Variants in RNF180 observed in about 807,000 individuals in gnomAD.
RNF180 encodes the protein ring finger protein 180, also known as E3 ubiquitin-protein ligase RNF180.
In RNF180, 38 loss-of-function variants were observed where a neutral mutation model predicts 59.2. The ratio of observed to expected loss-of-function variants is 0.64; its 90% confidence interval spans 0.50 to 0.84. The LOEUF is 0.84. Ranked by LOEUF, RNF180 falls within the 40% of genes least tolerant of loss-of-function variation. RNF180 has a pLI of 0.00. For synonymous variants in RNF180, 262 were observed against 240.3 expected (o/e 1.09, Z -0.84); for missense variants, 705 against 700.9 (o/e 1.01, Z -0.07).
In RNF180 at chr5:64,214,153, A is replaced by G; in HGVS notation, c.827A>G (p.Asn276Ser). The G allele has an allele frequency of 3.1e-6, 5 of 1,614,186 alleles. No homozygotes were observed. Among genetic ancestry groups the G allele is most frequent in the Non-Finnish European group, 4.2e-6 (5 of 1,180,022 alleles). The change falls in exon 4 of 8, where the codon AAT (asparagine) becomes AGT (serine). Residue 276 changes from asparagine (N) to serine (S), a missense_variant. Transcript: ENST00000389100. ...GGCTTGCCTTTACAATCTAGTAAAA[A>G]TAGCTATTCCTTTCAGAATCCATCC... Reference protein sequence around the residue: ...LSGLPLQSSKNSYSFQNPSSF... With the variant: ...LSGLPLQSSKSSYSFQNPSSF...
chr5:64,201,181 ACCT>A (rs1342730810), intron 2 of RNF180, among the ~76,000 whole-genome samples: 1 of 152,232 alleles, frequency 6.6e-6, no homozygotes, highest in Admixed American at 6.5e-5. Flanking sequence ...TGTTAATATG[ACCT>A]TAATGTTTTA....
chr5:64,369,633 C>G lies in RNF180; in HGVS notation c.1598C>G (p.Ala533Gly). ...CTTCTAGGTTTCCGCAGACATGCAG[C>G]TCCAGTTACAAGAAGGCAGTTCCCA... ...HLFGGFRRHAAPVTRRQFPHG... is the reference protein window; with the variant it reads ...HLFGGFRRHAGPVTRRQFPHG... Residue 533 changes from alanine (A) to glycine (G), a missense_variant, in exon 8 of 8, where the codon GCT (alanine) becomes GGT (glycine). Physicochemically the swap from Ala to Gly is moderately conservative, Grantham distance 60. Transcript: ENST00000389100. The G allele has an allele frequency of 6.6e-7, 1 of 1,521,042 alleles. No individual in the cohort carries two copies. Among genetic ancestry groups the G allele is most frequent in the Non-Finnish European group, 8.8e-7 (1 of 1,136,746 alleles). 94.2% of individuals were successfully genotyped at this position (1,521,042 alleles called of 1,614,324 possible).
rs556586995 is a variant in RNF180 at position 64,241,225 on chromosome 5, C to T, written c.1227+23829C>T. 2.6e-5 allele frequency among the ~76,000 whole-genome samples: 4 copies of T among 152,266 alleles called. No individual in the cohort carries two copies. The South Asian group carries it at 8.3e-4, about 32-fold the overall frequency. On this transcript the variant is annotated intron_variant, in intron 5 of 7. Coordinates refer to ENST00000389100, the MANE Select transcript of RNF180 (RefSeq NM_001113561.2). Reference sequence around the variant, plus strand: ...TTGCCTGCCTTTACTGTAGAAGACCCCTTCCCAAAAAACAAAGACACAAAT... The same window carrying T: ...TTGCCTGCCTTTACTGTAGAAGACCTCTTCCCAAAAAACAAAGACACAAAT...
At chr5:64,166,630 C>T (rs1272148398) in intron 1 of RNF180, among the ~76,000 whole-genome samples, 1 of 152,096 alleles carries the variant, frequency 6.6e-6, no homozygotes, top group African/African-American at 2.4e-5. Flanking sequence ...AGATAGTGCT[C>T]ATTATTTTCG....
At chr5:64,252,941 C>T (rs756185667) in intron 5 of RNF180, among the ~76,000 whole-genome samples, 2 of 151,982 alleles carry the variant, frequency 1.3e-5, no homozygotes, top group Non-Finnish European at 2.9e-5. Context: ...AGCACACACA[C>T]ACCTCAAATG....
In RNF180 at chr5:64,369,804, T is replaced by C; in HGVS notation, c.1769T>C (p.Phe590Ser). The change falls in exon 8 of 8, where the codon TTT becomes TCT. Residue 590 changes from phenylalanine to serine, a missense_variant. By Grantham distance (155) the Phe-to-Ser change is radical (BLOSUM62 -2). Transcript: ENST00000389100. ...IVFCFLCYFF[F>S]PF ...TTCTGCTTTCTTTGCTATTTTTTCT[T>C]TCCGTTTTAGGAATTTCATACCTTA... is the stretch of plus-strand genomic sequence containing the variant. 2.7e-6 allele frequency: 4 copies of C among 1,505,074 alleles called. No individual in the cohort carries two copies. The highest frequency in any genetic ancestry group is 3.6e-6 in the Non-Finnish European group (4 of 1,126,338). The allele number at this position is 1,505,074 out of a possible 1,614,324, so 93.2% of individuals were successfully genotyped here. A position where few individuals can be genotyped will look rare whatever the true frequency, so the allele number is the denominator to read the frequency against.
In RNF180 at chr5:64,299,116, G is replaced by A. The variant is rs544503604; in HGVS notation, c.1228-26070G>A. On this transcript the variant is annotated intron_variant, in intron 5 of 7. Coordinates refer to ENST00000389100, the MANE Select transcript of RNF180 (RefSeq NM_001113561.2). ...AGCTCCCTTGTCCTTTGCGCCATGC[G>A]AGGACACAGCAAAAAGATAGTTTTC... Among the ~76,000 whole-genome samples the A allele has an allele frequency of 8.6e-5, 13 of 152,000 alleles. No individual in the cohort carries two copies. In the East Asian group the frequency reaches 2.5e-3, roughly 29 times the overall value.
intron 5 of RNF180, among the ~76,000 whole-genome samples, chr5:64,269,693 A>AT (rs1744897208): frequency 6.6e-6 from 1 of 152,180 alleles, no homozygotes; most frequent in East Asian, 1.9e-4. Flanking sequence ...AATTGTGATT[A>AT]TGACCACATT....
rs574257377 is a variant in RNF180 at position 64,166,980 on chromosome 5, T to C, written c.-1+1027T>C. Among the ~76,000 whole-genome samples, 242 of 152,336 alleles carry C rather than the reference T, an allele frequency of 1.6e-3. 2 individuals are homozygous for C. The highest frequency in any genetic ancestry group is 2.9e-3 in the Non-Finnish European group (199 of 68,026). Reference sequence around the variant, plus strand: ...GTCAATTCCTTTCAGACTCCTGTTATAGTACCCCTAAAAGTGATACTTGAA... The same window carrying C: ...GTCAATTCCTTTCAGACTCCTGTTACAGTACCCCTAAAAGTGATACTTGAA... On this transcript the variant is annotated intron_variant, in intron 1 of 7. Transcript: ENST00000389100.
intron 1 of RNF180, among the ~76,000 whole-genome samples, chr5:64,189,004 G>A (rs1751005626): frequency 6.6e-6 from 1 of 152,020 alleles, no homozygotes; most frequent in Admixed American, 6.6e-5. Context: ...GTAAGAAGAG[G>A]AAGAGACATC....
At chr5:64,258,145 A>T (rs572147114) in intron 5 of RNF180, among the ~76,000 whole-genome samples, 8 of 152,302 alleles carry the variant, frequency 5.3e-5, no homozygotes, top group African/African-American at 1.9e-4. Flanking sequence ...AGGAGAGTGT[A>T]TGGCCTTCCA....
At chr5:64,306,750 C>G (rs1743485257) in intron 5 of RNF180, among the ~76,000 whole-genome samples, 1 of 151,102 alleles carries the variant, frequency 6.6e-6, no homozygotes. Context: ...CACATATTCT[C>G]ACTCATAGGT....
At chr5:64,343,259 A>T (rs1159418258) in intron 7 of RNF180, among the ~76,000 whole-genome samples, 2 of 151,188 alleles carry the variant, frequency 1.3e-5, no homozygotes, top group Non-Finnish European at 2.9e-5. Flanking sequence ...ATAAAAAGGT[A>T]AAAAACTGCC....
At chr5:64,364,025 C>G (rs1019098467) in intron 7 of RNF180, among the ~76,000 whole-genome samples, 1 of 151,808 alleles carries the variant, frequency 6.6e-6, no homozygotes, top group African/African-American at 2.4e-5. Flanking sequence ...ATCATGTTGT[C>G]TGCAAACAGG....
chr5:64,330,305 T>C lies in RNF180; in HGVS notation c.1478T>C (p.Phe493Ser). The change falls in exon 7 of 8, where the codon TTC (phenylalanine) becomes TCC (serine). Residue 493 changes from phenylalanine to serine, a missense_variant. By Grantham distance (155) the Phe-to-Ser change is radical. Coordinates refer to ENST00000389100, the MANE Select transcript of RNF180 (RefSeq NM_001113561.2). ...QTELNNATKT[F>S]FTKEYLKIKQ... Reference sequence around the variant, plus strand: ...GAATTGAACAATGCCACAAAAACTTTCTTTACTAAAGAATATTTGAAAATA... The same window carrying C: ...GAATTGAACAATGCCACAAAAACTTCCTTTACTAAAGAATATTTGAAAATA... 6.6e-7 allele frequency: 1 copy of C among 1,510,932 alleles called. No individual in the cohort carries two copies. Among genetic ancestry groups the C allele is most frequent in the Non-Finnish European group, 9.0e-7 (1 of 1,115,746 alleles). 93.6% of individuals were successfully genotyped at this position (1,510,932 alleles called of 1,614,324 possible).
At chr5:64,201,217 C>T (rs1438175686) in intron 2 of RNF180, among the ~76,000 whole-genome samples, 1 of 152,140 alleles carries the variant, frequency 6.6e-6, no homozygotes, top group East Asian at 1.9e-4. Flanking sequence ...TAGGCATAAG[C>T]TGAAGATAAT....
chr5:64,256,831 C>A lies in RNF180; in HGVS notation c.1227+39435C>A, dbSNP rs189506994. On this transcript the variant is annotated intron_variant, in intron 5 of 7. Coordinates refer to ENST00000389100, the MANE Select transcript of RNF180 (RefSeq NM_001113561.2). ...TCACGATATTGATTCTTCCTATCCA[C>A]AAGCATGGAATGTTCTTCCATTTGT... Among the ~76,000 whole-genome samples the A allele has an allele frequency of 4.5e-4, 69 of 152,190 alleles. 1 individual carries two copies. The East Asian group carries it at 0.013, about 28-fold the overall frequency.
intron 7 of RNF180, among the ~76,000 whole-genome samples, chr5:64,333,802 G>A (rs1274418159): frequency 1.3e-5 from 2 of 152,114 alleles, no homozygotes; most frequent in African/African-American, 4.8e-5. Flanking sequence ...TGTTTATGAA[G>A]GAGGTTCAAA....
chr5:64,293,505 AATTTT>A (rs1742720148), intron 5 of RNF180, among the ~76,000 whole-genome samples: 1 of 152,074 alleles, frequency 6.6e-6, no homozygotes, highest in Admixed American at 6.5e-5. Flanking sequence ...ATATTATTTT[AATTTT>A]ATTTTAAATC....
Sources: allele counts gnomAD v4.1 joint callset (sites outside exome capture counted in the v4.1 genomes callset), GRCh38; gene constraint gnomAD v4.1.1; transcripts MANE v1.5; gene names NCBI Gene and HGNC (gene_info 2026-07-23, HGNC 2026-07-21).